The following HDLBP variants were observed in gnomAD, a reference collection of about 807,000 sequenced individuals.
HDLBP encodes the protein high density lipoprotein binding protein.
In HDLBP, 30 loss-of-function variants were observed where a neutral mutation model predicts 137.3. The observed-to-expected ratio is 0.22, with a 90% CI of 0.16 to 0.30. The LOEUF is 0.30. HDLBP is among the 10% of genes least tolerant of loss of function. The probability of loss-of-function intolerance (pLI) is 1.00; values close to 1 mark genes in which losing one functional copy is unlikely to be tolerated. For missense variants in HDLBP, 1,119 were observed against 1,667.3 expected, an observed-to-expected ratio of 0.67 and a Z score of 5.73; for synonymous variants, 606 against 596.0, an observed-to-expected ratio of 1.02 and a Z score of -0.24.
Position 241,256,741 on chromosome 2 carries a change from T to C in HDLBP, c.516A>G (p.Lys172=). 6.2e-7 allele frequency: 1 copy of C among 1,614,218 alleles called. No individual in the cohort carries two copies. The highest frequency in any genetic ancestry group is 1.1e-5 in the South Asian group (1 of 91,086). The change falls in exon 6 of 28, where the codon AAA becomes AAG. Residue 172 remains lysine, a synonymous_variant. Coordinates refer to ENST00000310931, the MANE Select transcript of HDLBP (RefSeq NM_005336.6). ...HRFVIGKNGE[K]LQDLELKTAT... is the part of the protein sequence containing the mutation. ...CAGTTTTTAGCTCCAAGTCTTGCAG[T>C]TTCTCTCCATTTTTGCCAATAACAA...
Position 241,238,697 on chromosome 2 carries a change from G to A in HDLBP, c.2701C>T (p.Arg901Trp), listed in dbSNP as rs776943175. ...PKGSRIQQITRDFSVQIKFPD... is the reference protein window; with the variant it reads ...PKGSRIQQITWDFSVQIKFPD... ...AATTTAATTTGAACACTGAAATCCC[G>A]AGTAATCTGCTGGATTCTGGAACCT... Residue 901 changes from arginine (R) to tryptophan (W), a missense_variant, in exon 20 of 28, where the codon CGG (arginine) becomes TGG (tryptophan). Arg to Trp is a moderately radical substitution (Grantham distance 101). Around this residue, in one of 4 missense-constraint regions of HDLBP, gnomAD observed 618 missense variants for 816.7 expected, o/e 0.76. Transcript: ENST00000310931. This position sits in a 1 kb window ranked among gnomAD's most constrained non-coding sequence, Gnocchi z 4.9. The A allele has an allele frequency of 3.8e-6, 6 of 1,588,530 alleles. No individual in the cohort carries two copies. Among genetic ancestry groups the A allele is most frequent in the East Asian group, 2.3e-5 (1 of 44,064 alleles).
rs770848248 is a variant in HDLBP at position 241,262,942 on chromosome 2, C to CA, written c.235-17dup. ...CATGGAACACCTGCTCAAAAAAGAT[C>CA]AAAAAAGGAAAGGTTAAGAGATTAA... is the stretch of plus-strand genomic sequence containing the variant. On this transcript the variant is annotated splice_polypyrimidine_tract_variant and intron_variant, in intron 4 of 27. Transcript: ENST00000310931. 6.3e-7 allele frequency: 1 copy of CA among 1,590,692 alleles called. No individual in the cohort carries two copies. The highest frequency in any genetic ancestry group is 1.1e-5 in the South Asian group (1 of 89,896).
Position 241,264,445 on chromosome 2 carries a change from T to C in HDLBP, c.234+3A>G. 1.9e-6 allele frequency: 3 copies of C among 1,603,378 alleles called. No homozygotes were observed. The highest frequency in any genetic ancestry group is 2.2e-5 in the South Asian group (2 of 90,010). ...TTTTTAAAAGAAAGAATGGTGTTTC[T>C]ACCTGAGTGATGACAGAAGCCTTGA... is the stretch of plus-strand genomic sequence containing the variant. On this transcript the variant is annotated splice_donor_region_variant and intron_variant, in intron 4 of 27. Transcript: ENST00000310931.
chr2:241,239,579 T>TC lies in HDLBP; in HGVS notation c.2610+22dup. Reference sequence around the variant, plus strand: ...GTGGCCACTGGGGGGTGAGAACCCCTCCCCGAGCACCCAAGTGCCTACCAG... The same window carrying TC: ...GTGGCCACTGGGGGGTGAGAACCCCTCCCCCGAGCACCCAAGTGCCTACCAG... On this transcript the variant is annotated intron_variant, in intron 19 of 27. Transcript: ENST00000310931. The surrounding 1 kb of genome is among the most constrained non-coding windows in gnomAD (Gnocchi z 4.6). The TC allele has an allele frequency of 6.3e-7, 1 of 1,597,376 alleles. No homozygotes were observed. Among genetic ancestry groups the TC allele is most frequent in the Non-Finnish European group, 8.6e-7 (1 of 1,165,160 alleles).
intron 1 of HDLBP, among the ~76,000 whole-genome samples, chr2:241,313,526 G>A (rs572346665): frequency 3.3e-5 from 5 of 152,238 alleles, no homozygotes; most frequent in African/African-American, 1.2e-4. Flanking sequence ...GTGTCCACCC[G>A]CCTCGACCTC....
At chr2:241,255,993 G>C (rs912940720) in intron 7 of HDLBP, among the ~76,000 whole-genome samples, 191 bp downstream of exon 7, 4 of 152,226 alleles carry the variant, frequency 2.6e-5, no homozygotes, top group Non-Finnish European at 5.9e-5. Flanking sequence ...AAGGACAACT[G>C]CCAGGCAGAT....
chr2:241,258,733 A>G (rs903367767), intron 5 of HDLBP, among the ~76,000 whole-genome samples: 1 of 152,192 alleles, frequency 6.6e-6, no homozygotes, highest in Non-Finnish European at 1.5e-5. Context: ...GATAATAAAA[A>G]ATGCAAGTGG....
chr2:241,284,969 C>G (rs1414235739), intron 1 of HDLBP, among the ~76,000 whole-genome samples: 1 of 152,228 alleles, frequency 6.6e-6, no homozygotes, highest in Non-Finnish European at 1.5e-5. Context: ...CAACCTCCAC[C>G]TCCCGGGTTC....
rs188880537 is a variant in HDLBP, at chr2:241,279,735, C to T, written c.-102-11194G>A. On this transcript the variant is annotated intron_variant, in intron 1 of 27. Transcript: ENST00000310931. ...CCTATTAAGGCTTAAGAAGCAAATACTCCACGAGCGAACGATCCCACTTCT... is the reference window on the plus strand; with the variant it reads ...CCTATTAAGGCTTAAGAAGCAAATATTCCACGAGCGAACGATCCCACTTCT... 6.8e-4 allele frequency among the ~76,000 whole-genome samples: 104 copies of T among 152,332 alleles called. 1 individual carries two copies. The highest frequency in any genetic ancestry group is 6.5e-3 in the Admixed American group (99 of 15,302).
rs138859216 is a variant in HDLBP at position 241,252,967 on chromosome 2, G to A, written c.1362C>T (p.Ser454=). 9.8e-5 allele frequency: 157 copies of A among 1,605,570 alleles called. No homozygotes were observed. The highest frequency in any genetic ancestry group is 1.4e-4 in the South Asian group (13 of 90,866). ...HKFHRHLIGK[S]GANINRIKDQ... ...GACAGCCTCACTCACTGTTGGCACC[G>A]CTCTTCCCAATGAGGTGCCTGTGGA... is the stretch of plus-strand genomic sequence containing the variant. The change falls in exon 11 of 28, where the codon AGC becomes AGT. Residue 454 remains serine, a synonymous_variant. Transcript: ENST00000310931.
intron 1 of HDLBP, among the ~76,000 whole-genome samples, chr2:241,314,819 G>A (rs560207286): frequency 2.6e-5 from 4 of 152,324 alleles, no homozygotes; most frequent in African/African-American, 7.2e-5. Context: ...ACACCATGCG[G>A]GTCAGCCATT....
intron 1 of HDLBP, among the ~76,000 whole-genome samples, chr2:241,296,211 G>A (rs2075177248): frequency 6.6e-6 from 1 of 151,916 alleles, no homozygotes; most frequent in Admixed American, 6.6e-5. Flanking sequence ...CTTGATGCAT[G>A]AAACAGACTC....
chr2:241,293,434 CAGTG>C (rs757497959), intron 1 of HDLBP, among the ~76,000 whole-genome samples: 70 of 151,824 alleles, frequency 4.6e-4, no homozygotes, highest in South Asian at 1.2e-3. Context: ...TTCAAGGTTA[CAGTG>C]AGTGAGTTAT....
At chr2:241,257,474 G>A (rs547786907) in intron 5 of HDLBP, among the ~76,000 whole-genome samples, 3 of 152,144 alleles carry the variant, frequency 2.0e-5, no homozygotes, top group East Asian at 3.9e-4. Flanking sequence ...CTTGTGATCC[G>A]CCCACCTCAG....
intron 1 of HDLBP, among the ~76,000 whole-genome samples, chr2:241,306,110 G>A (rs763817263): frequency 1.5e-4 from 23 of 151,738 alleles, no homozygotes; most frequent in Non-Finnish European, 2.9e-4. Flanking sequence ...ATTCTTAAAC[G>A]TGATCACAAA....
chr2:241,250,248 GGTT>G, intron 11 of HDLBP: 1 of 321,040 alleles, frequency 3.1e-6, no homozygotes, highest in Non-Finnish European at 5.7e-6. Flanking sequence ...AATAACTGAC[GGTT>G]GGGGCCACTC....
At chr2:241,287,941 G>A (rs941473343) in intron 1 of HDLBP, among the ~76,000 whole-genome samples, 5 of 152,196 alleles carry the variant, frequency 3.3e-5, no homozygotes, top group African/African-American at 1.2e-4. Flanking sequence ...GTGAAGACGG[G>A]AGGGAAGACC....
At chr2:241,257,156 A>T (rs567387088) in intron 5 of HDLBP, among the ~76,000 whole-genome samples, 264 of 152,392 alleles carry the variant, frequency 1.7e-3, no homozygotes, top group Non-Finnish European at 3.2e-3. Context: ...TTTATAGCAA[A>T]GAGAAAAGAC....
chr2:241,254,277 T>C (rs149134662), intron 9 of HDLBP, among the ~76,000 whole-genome samples: 129 of 151,904 alleles, frequency 8.5e-4, no homozygotes, highest in African/African-American at 3.1e-3. Flanking sequence ...AAAAAAGGAA[T>C]AAAATAAAAA....
Sources: gnomAD v4.1 joint callset for allele counts (sites outside exome capture counted in the v4.1 genomes callset) on GRCh38, gnomAD v4.1.1 for gene constraint, gnomAD v4.1.1 regional missense constraint, Gnocchi (gnomAD v3.1) non-coding constraint, MANE v1.5 for transcripts, NCBI Gene and HGNC (gene_info 2026-07-23, HGNC 2026-07-21) for gene names.